Variants in BTBD16 observed in about 807,000 individuals in gnomAD.
The protein encoded by BTBD16 is BTB/POZ domain-containing protein 16.
In BTBD16, 66 loss-of-function variants were observed where a neutral mutation model predicts 67.4. The ratio of observed to expected loss-of-function variants is 0.98; its 90% confidence interval spans 0.80 to 1.20. BTBD16 has a LOEUF of 1.20. Among genes scored for constraint, BTBD16 ranks in the 50% most tolerant of loss-of-function variants. The pLI is 0.00. For synonymous variants in BTBD16, 242 were observed against 236.4 expected, an observed-to-expected ratio of 1.02 and a Z score of -0.22; for missense variants, 634 against 616.0, an observed-to-expected ratio of 1.03 and a Z score of -0.31.
intron 2 of BTBD16, 80 bp from the exon 3 acceptor site, chr10:122,276,711 T>C (rs7086403): frequency 0.57 from 889,041 of 1,558,888 alleles, 260,712 homozygotes; most frequent in East Asian, 0.91. Flanking sequence ...GATTTCCTTC[T>C]TGCTATACAA....
chr10:122,302,027 G>T (rs530746190), intron 9 of BTBD16, among the ~76,000 whole-genome samples: 1 of 152,320 alleles, frequency 6.6e-6, no homozygotes, highest in East Asian at 1.9e-4. Context: ...AGACTCCAAG[G>T]TCAGGGGTGG....
Position 122,329,522 on chromosome 10 carries a change from G to C in BTBD16, c.954G>C (p.Arg318=). 6.2e-7 allele frequency: 1 copy of C among 1,613,946 alleles called. No individual in the cohort carries two copies. Among genetic ancestry groups the C allele is most frequent in the South Asian group, 1.1e-5 (1 of 91,068 alleles). ...NCCFLDRDIG[R]SLRPLFLCLR... Reference sequence around the variant, plus strand: ...GCTTTCTGGACCGGGACATAGGACGGAGCTTGAGGCCGCTCTTCCTCTGCT... The same window carrying C: ...GCTTTCTGGACCGGGACATAGGACGCAGCTTGAGGCCGCTCTTCCTCTGCT... The change falls in exon 11 of 16, where the codon CGG becomes CGC. Residue 318 remains arginine (R), a synonymous_variant. Transcript: ENST00000260723.
intron 8 of BTBD16, 21 bp from the exon 9 acceptor site, chr10:122,298,983 A>G (rs1219473862): frequency 3.7e-6 from 6 of 1,612,332 alleles, no homozygotes; most frequent in African/African-American, 2.7e-5. Flanking sequence ...TCCTTCATCA[A>G]CTGGCTTTTT....
chr10:122,291,057 C>T, intron 6 of BTBD16, 23 bp from the exon 7 acceptor site: 1 of 1,601,738 alleles, frequency 6.2e-7, no homozygotes, highest in Non-Finnish European at 8.5e-7. Context: ...ACACAGATGG[C>T]TCGCTTGGCT....
intron 2 of BTBD16, among the ~76,000 whole-genome samples, chr10:122,276,257 T>C (rs979519458): frequency 6.6e-6 from 1 of 152,200 alleles, no homozygotes; most frequent in African/African-American, 2.4e-5. Context: ...GGAATTTCTT[T>C]TGGGGATAAT....
At chr10:122,321,774 G>A (rs2096435822) in intron 10 of BTBD16, among the ~76,000 whole-genome samples, 1 of 152,132 alleles carries the variant, frequency 6.6e-6, no homozygotes, top group Non-Finnish European at 1.5e-5. Flanking sequence ...TGGATGCATA[G>A]TTTTTGTGTT....
intron 3 of BTBD16, among the ~76,000 whole-genome samples, chr10:122,282,812 G>C (rs1318999642): frequency 2.0e-5 from 3 of 152,218 alleles, no homozygotes; most frequent in Non-Finnish European, 4.4e-5. Flanking sequence ...GGAGTTTTAA[G>C]GGGAAAATCC....
chr10:122,281,631 G>A (rs2096353389), intron 3 of BTBD16, among the ~76,000 whole-genome samples: 1 of 152,170 alleles, frequency 6.6e-6, no homozygotes, highest in African/African-American at 2.4e-5. Flanking sequence ...GACAATGAAA[G>A]AGAGAATGCT....
At chr10:122,319,062 A>C (rs551828051) in intron 10 of BTBD16, among the ~76,000 whole-genome samples, 1 of 152,186 alleles carries the variant, frequency 6.6e-6, no homozygotes, top group Non-Finnish European at 1.5e-5. Flanking sequence ...CCTTTGGCCC[A>C]TATTTTTAAA....
intron 10 of BTBD16, among the ~76,000 whole-genome samples, chr10:122,308,429 C>A (rs1564994984): frequency 6.6e-6 from 1 of 152,186 alleles, no homozygotes; most frequent in Non-Finnish European, 1.5e-5. Flanking sequence ...CCATGCATTT[C>A]CCCAAGCCCC....
chr10:122,291,186 G>A lies in BTBD16; in HGVS notation c.582G>A (p.Leu194=). Residue 194 remains leucine, a synonymous_variant, in exon 7 of 16, where the codon CTG becomes CTA. Coordinates refer to ENST00000260723, the MANE Select transcript of BTBD16 (RefSeq NM_144587.5). ...CCCACATCCTCCAGTTCAGTGGCCT[G>A]TTTCAAAGGTAAGGAAACAAGGCTG... The part of the protein sequence containing the change: ...ASAHILQFSG[L]FQRCVDVMIA... 6.2e-7 allele frequency: 1 copy of A among 1,610,858 alleles called. No individual in the cohort carries two copies. The highest frequency in any genetic ancestry group is 8.5e-7 in the Non-Finnish European group (1 of 1,178,524).
chr10:122,325,924 C>T (rs2096443860), intron 10 of BTBD16, among the ~76,000 whole-genome samples: 3 of 152,078 alleles, frequency 2.0e-5, no homozygotes, highest in Non-Finnish European at 1.5e-5. Context: ...GATTCACCCA[C>T]CTCGGCCTCC....
chr10:122,326,690 GT>G (rs1197599955), intron 10 of BTBD16, among the ~76,000 whole-genome samples: 1 of 152,102 alleles, frequency 6.6e-6, no homozygotes, highest in African/African-American at 2.4e-5. Context: ...TGGGAGATTT[GT>G]CCCCAGGGTC....
intron 10 of BTBD16, among the ~76,000 whole-genome samples, chr10:122,313,426 C>T (rs1274637273): frequency 6.6e-6 from 1 of 151,286 alleles, no homozygotes; most frequent in African/African-American, 2.4e-5. Context: ...CACCACACCT[C>T]GCTACTTTTT....
chr10:122,316,112 C>T (rs1355790807), intron 10 of BTBD16, among the ~76,000 whole-genome samples: 3 of 152,048 alleles, frequency 2.0e-5, no homozygotes, highest in Non-Finnish European at 4.4e-5. Flanking sequence ...ACTAAAAATA[C>T]AAAAATTAGC....
At chr10:122,280,478 G>A (rs2096350505) in intron 3 of BTBD16, among the ~76,000 whole-genome samples, 1 of 152,082 alleles carries the variant, frequency 6.6e-6, no homozygotes, top group African/African-American at 2.4e-5. Context: ...CTCCCTTTCT[G>A]CCCGCAATGC....
Position 122,286,256 on chromosome 10 carries a change from C to T in BTBD16, c.385+8C>T. ...TGGAGGAGCTTCTGCGAGGTACTTCCTCCCTGGCACCCAGTGCTGGAGCCC... is the reference window on the plus strand; with the variant it reads ...TGGAGGAGCTTCTGCGAGGTACTTCTTCCCTGGCACCCAGTGCTGGAGCCC... On this transcript the variant is annotated splice_region_variant and intron_variant, in intron 5 of 15. Coordinates refer to ENST00000260723, the MANE Select transcript of BTBD16 (RefSeq NM_144587.5). The T allele has an allele frequency of 6.2e-7, 1 of 1,600,126 alleles. No homozygotes were observed. Among genetic ancestry groups the T allele is most frequent in the Non-Finnish European group, 8.5e-7 (1 of 1,171,062 alleles).
intron 2 of BTBD16, 147 bp downstream of exon 2, chr10:122,275,246 A>C: frequency 1.3e-6 from 1 of 777,138 alleles, no homozygotes; most frequent in Non-Finnish European, 2.2e-6. Flanking sequence ...GAGCGCGTCC[A>C]GGCAGCACCG....
At position 122,276,885 on chromosome 10, in the gene BTBD16, A is replaced by G. The variant is rs370295182; in HGVS notation, c.113A>G (p.Gln38Arg). The G allele has an allele frequency of 1.6e-4, 255 of 1,614,206 alleles. 5 individuals carry two copies. The South Asian group carries it at 2.7e-3, about 17-fold the overall frequency. ...TCTGGGGACCTGCTCTCACTTTCCC[A>G]GATGTGCAAGGCTCTGAGCATAGAC... Reference protein sequence around the residue: ...PFSGDLLSLSQMCKALSIDFE... With the variant: ...PFSGDLLSLSRMCKALSIDFE... The change falls in exon 3 of 16, where the codon CAG becomes CGG. Residue 38 changes from glutamine to arginine, a missense_variant. Gln to Arg is a conservative substitution (Grantham distance 43, BLOSUM62 1). Transcript: ENST00000260723.
Sources: allele counts gnomAD v4.1 joint callset (sites outside exome capture counted in the v4.1 genomes callset), GRCh38; gene constraint gnomAD v4.1.1; transcripts MANE v1.5; gene names NCBI Gene and HGNC (gene_info 2026-07-23, HGNC 2026-07-21).